Variants in GOLIM4 observed in about 807,000 individuals in gnomAD.
GOLIM4 encodes the protein 130 kDa golgi-localized phosphoprotein.
Under a neutral mutation model 107.4 loss-of-function variants are expected in GOLIM4, and 71 were observed. The ratio of observed to expected loss-of-function variants is 0.66; its 90% CI spans 0.55 to 0.81. GOLIM4 has a LOEUF of 0.81. Among genes scored for constraint, GOLIM4 ranks in the 30% least tolerant of loss-of-function variants. The pLI is 0.00. For missense variants in GOLIM4, 830 were observed against 826.1 expected (o/e 1.00, Z -0.06); for synonymous variants, 327 against 294.8 (o/e 1.11, Z -1.12).
At chr3:168,074,900 C>T (rs1720996101) in intron 1 of GOLIM4, among the ~76,000 whole-genome samples, 1 of 151,980 alleles carries the variant, frequency 6.6e-6, no homozygotes, top group African/African-American at 2.4e-5. Flanking sequence ...CTGGAATAGT[C>T]CCAGACAGAG....
intron 15 of GOLIM4, 44 bp from the exon 16 acceptor site, chr3:168,010,462 G>A: frequency 7.9e-7 from 1 of 1,263,546 alleles, no homozygotes; most frequent in Non-Finnish European, 1.1e-6. Context: ...ATAGTATAGA[G>A]TTAGTGATAA....
intron 1 of GOLIM4, among the ~76,000 whole-genome samples, chr3:168,068,114 TATACA>T (rs921269753): frequency 6.6e-5 from 10 of 152,246 alleles, no homozygotes; most frequent in African/African-American, 2.4e-4. Flanking sequence ...TAAATTAATG[TATACA>T]ATATCACTAT....
intron 1 of GOLIM4, among the ~76,000 whole-genome samples, chr3:168,053,647 G>A (rs1577544274): frequency 6.6e-6 from 1 of 152,090 alleles, no homozygotes; most frequent in East Asian, 1.9e-4. Context: ...GGTTTCTTTG[G>A]GGCTAATGTC....
chr3:168,011,067 C>A (rs764940110), intron 14 of GOLIM4, among the ~76,000 whole-genome samples: 1 of 152,198 alleles, frequency 6.6e-6, no homozygotes, highest in African/African-American at 2.4e-5. Context: ...GGAACAGCTC[C>A]GGTCTACAGC....
intron 1 of GOLIM4, among the ~76,000 whole-genome samples, chr3:168,057,656 T>G (rs1457834113): frequency 1.3e-5 from 2 of 152,138 alleles, no homozygotes; most frequent in African/African-American, 2.4e-5. Context: ...TAGATGAGAT[T>G]TGGGTGGGGA....
At chr3:168,063,668 A>T (rs2056560894) in intron 1 of GOLIM4, among the ~76,000 whole-genome samples, 1 of 145,910 alleles carries the variant, frequency 6.9e-6, no homozygotes, top group African/African-American at 2.5e-5. Flanking sequence ...GAGACCCTCA[A>T]AGGTCAAATA....
chr3:168,014,264 C>T (rs1463465155), intron 14 of GOLIM4, among the ~76,000 whole-genome samples: 1 of 151,396 alleles, frequency 6.6e-6, no homozygotes, highest in African/African-American at 2.5e-5. Flanking sequence ...ACAAACACCT[C>T]TACACAAATA....
intron 7 of GOLIM4, among the ~76,000 whole-genome samples, chr3:168,040,422 T>C (rs1053836727): frequency 6.6e-6 from 1 of 152,218 alleles, no homozygotes; most frequent in Non-Finnish European, 1.5e-5. Context: ...ACAATAGTTT[T>C]AGGTAGCTAG....
intron 1 of GOLIM4, among the ~76,000 whole-genome samples, chr3:168,052,455 T>C (rs1386753049): frequency 1.3e-5 from 2 of 152,018 alleles, no homozygotes; most frequent in East Asian, 1.9e-4. Context: ...AAAAAGGCAA[T>C]GACATTGGTC....
rs61728774 is a variant in GOLIM4, at chr3:168,033,606, CAAAAAAAAAAAA to C, written c.844-766_844-755del. ...TGGGCGACAGAGCAAGACTCCGTCT[CAAAAAAAAAAAA>C]AAAAAAAAAAAAAAAAAAAAAAAGA... On this transcript the variant is annotated intron_variant, in intron 8 of 15. Coordinates refer to ENST00000470487, the MANE Select transcript of GOLIM4 (RefSeq NM_014498.5). Among the ~76,000 whole-genome samples, 27 of 31,310 alleles carry C rather than the reference CAAAAAAAAAAAA, an allele frequency of 8.6e-4. No homozygotes were observed. In the East Asian group the frequency reaches 0.017, roughly 20 times the overall value. 20.5% of individuals were successfully genotyped at this position (31,310 alleles called of 152,430 possible). A position where few individuals can be genotyped will look rare whatever the true frequency, so the allele number is the denominator to read the frequency against.
chr3:168,039,957 G>A (rs1191605668), intron 7 of GOLIM4, among the ~76,000 whole-genome samples: 2 of 152,130 alleles, frequency 1.3e-5, no homozygotes, highest in Non-Finnish European at 2.9e-5. Context: ...ATGGGTCAGG[G>A]ACAGAAAATT....
intron 7 of GOLIM4, among the ~76,000 whole-genome samples, chr3:168,040,277 T>A (rs1387697084): frequency 3.3e-5 from 5 of 152,254 alleles, no homozygotes; most frequent in African/African-American, 1.2e-4. Flanking sequence ...ATGGAGCTTA[T>A]GACTCTTGTT....
At chr3:168,046,423 G>A (rs1038424728) in intron 3 of GOLIM4, among the ~76,000 whole-genome samples, 5 of 152,146 alleles carry the variant, frequency 3.3e-5, no homozygotes, top group Non-Finnish European at 7.3e-5. Context: ...AAGGTCTCTG[G>A]TTTTCCTAGG....
At position 168,053,612 on chromosome 3, in the gene GOLIM4, C is replaced by T. The variant is rs1230274953; in HGVS notation, c.188-5247G>A. Reference sequence around the variant, plus strand: ...AGGAGAATAAATTGAAATTAATATACGTCTCAGACTTCAATACTTTTGAGG... The same window carrying T: ...AGGAGAATAAATTGAAATTAATATATGTCTCAGACTTCAATACTTTTGAGG... On this transcript the variant is annotated intron_variant, in intron 1 of 15. Coordinates refer to ENST00000470487, the MANE Select transcript of GOLIM4 (RefSeq NM_014498.5). Among the ~76,000 whole-genome samples the T allele has an allele frequency of 1.3e-4, 20 of 152,276 alleles. No homozygotes were observed. In the East Asian group the frequency reaches 3.5e-3, roughly 26 times the overall value.
At chr3:168,071,462 G>A (rs182657485) in intron 1 of GOLIM4, among the ~76,000 whole-genome samples, 23 of 152,124 alleles carry the variant, frequency 1.5e-4, no homozygotes, top group African/African-American at 5.1e-4. Flanking sequence ...ATTAAGAAGA[G>A]AGCAACCTGG....
chr3:168,075,286 GT>G (rs374374393), intron 1 of GOLIM4, among the ~76,000 whole-genome samples: 346 of 94,172 alleles, frequency 3.7e-3, no homozygotes, highest in African/African-American at 0.013. Context: ...ACATTCACTA[GT>G]TTTTTTTTTT....
intron 1 of GOLIM4, among the ~76,000 whole-genome samples, chr3:168,075,382 C>T (rs1309327415): frequency 1.4e-5 from 2 of 145,980 alleles, no homozygotes; most frequent in Admixed American, 6.8e-5. Context: ...CTGCAAGCTC[C>T]GCCTCCCGGG....
At chr3:168,068,687 ATTT>A (rs1560101773) in intron 1 of GOLIM4, among the ~76,000 whole-genome samples, 2 of 152,028 alleles carry the variant, frequency 1.3e-5, no homozygotes, top group African/African-American at 4.8e-5. Flanking sequence ...AACAACTTAG[ATTT>A]TAAAAAAGAG....
intron 1 of GOLIM4, among the ~76,000 whole-genome samples, chr3:168,066,287 A>G (rs1046966515): frequency 6.6e-6 from 1 of 152,192 alleles, no homozygotes; most frequent in African/African-American, 2.4e-5. Flanking sequence ...TAACCTCACT[A>G]GTTCCAGATT....
Sources: allele counts gnomAD v4.1 joint callset (sites outside exome capture counted in the v4.1 genomes callset), GRCh38; gene constraint gnomAD v4.1.1; transcripts MANE v1.5; gene names NCBI Gene and HGNC (gene_info 2026-07-23, HGNC 2026-07-21).